TRERF1: variants seen among roughly 807,000 people sequenced by gnomAD.
TRERF1 encodes the protein transcriptional regulating factor 1.
Under a neutral mutation model 122.9 loss-of-function variants are expected in TRERF1, and 27 were observed. The observed-to-expected ratio is 0.22, with a 90% confidence interval of 0.16 to 0.30. The LOEUF (loss-of-function observed/expected upper bound fraction) is 0.30, where lower values mean the gene tolerates loss of function less well. TRERF1 is among the 10% of genes least tolerant of loss of function. The pLI is 1.00. For synonymous variants in TRERF1, 636 were observed against 641.7 expected (o/e 0.99, Z 0.13); for missense variants, 1,248 against 1,560.3 (o/e 0.80, Z 3.37).
At chr6:42,449,201 C>T (rs1373284224) in intron 2 of TRERF1, among the ~76,000 whole-genome samples, 1 of 152,208 alleles carries the variant, frequency 6.6e-6, no homozygotes, top group Non-Finnish European at 1.5e-5. Context: ...GTGAAAAGAC[C>T]CATGTTTACT....
chr6:42,276,720 C>G lies in TRERF1; in HGVS notation c.-258-6872G>C, dbSNP rs1781210051. On this transcript the variant is annotated intron_variant, in intron 4 of 17. Transcript: ENST00000372922. The surrounding 1 kb of genome is among the most constrained non-coding windows in gnomAD (Gnocchi z 4.3). ...CAGTGGTTAGCATCTAAATCTTCCT[C>G]CCTGCAGTGAGTGGTTTGCTCTTAC... Among the ~76,000 whole-genome samples the G allele has an allele frequency of 6.6e-6, 1 of 152,238 alleles. No individual in the cohort carries two copies.
chr6:42,254,091 A>G (rs1415882581), intron 13 of TRERF1, among the ~76,000 whole-genome samples: 1 of 152,196 alleles, frequency 6.6e-6, no homozygotes, highest in Non-Finnish European at 1.5e-5. Flanking sequence ...TTCACTTTTC[A>G]CAATTCTCAG....
intron 3 of TRERF1, among the ~76,000 whole-genome samples, chr6:42,332,265 T>C (rs1210812503): frequency 6.6e-6 from 1 of 152,244 alleles, no homozygotes; most frequent in Non-Finnish European, 1.5e-5. Flanking sequence ...AAACCAGCCA[T>C]GACAGCCTTG....
chr6:42,303,266 T>C (rs955925411), intron 3 of TRERF1, among the ~76,000 whole-genome samples: 5 of 152,190 alleles, frequency 3.3e-5, no homozygotes, highest in African/African-American at 1.2e-4. Flanking sequence ...GAAACCAACA[T>C]TAACAAATTA....
rs1259037846 is a variant in TRERF1 at position 42,269,658 on chromosome 6, A to C, written c.-68T>G. The C allele has an allele frequency of 6.5e-7, 1 of 1,544,488 alleles. No homozygotes were observed. The highest frequency in any genetic ancestry group is 8.7e-7 in the Non-Finnish European group (1 of 1,145,840). ...AAAAGGTAAATAAAACAAACCCAAA[A>C]GGACTGAAACCCTGAGAAGCTGAGA... is the stretch of plus-strand genomic sequence containing the variant. On this transcript the variant is annotated 5_prime_UTR_variant, in exon 5 of 18. Coordinates refer to ENST00000372922, the Ensembl canonical transcript of TRERF1. The surrounding 1 kb of genome is among the most constrained non-coding windows in gnomAD (Gnocchi z 4.9).
At chr6:42,285,017 T>G (rs1475003626) in intron 4 of TRERF1, among the ~76,000 whole-genome samples, 3 of 152,180 alleles carry the variant, frequency 2.0e-5, no homozygotes, top group Non-Finnish European at 4.4e-5. Context: ...AAGCTGACAT[T>G]TAGACTTCAC....
intron 4 of TRERF1, among the ~76,000 whole-genome samples, chr6:42,288,599 G>A (rs2395830): frequency 5.6e-4 from 59 of 105,326 alleles, no homozygotes; most frequent in African/African-American, 1.6e-3. Flanking sequence ...AAAAAAAAGA[G>A]AGAGAGACGG....
chr6:42,232,949 A>T lies in TRERF1; in HGVS notation c.3067-57T>A, dbSNP rs1770904342. 2 of 1,507,158 alleles carry T rather than the reference A, an allele frequency of 1.3e-6. No homozygotes were observed. The highest frequency in any genetic ancestry group is 1.8e-6 in the Non-Finnish European group (2 of 1,121,300). The allele number at this position is 1,507,158 out of a possible 1,614,324, so 93.4% of individuals were successfully genotyped here. A position where few individuals can be genotyped will look rare whatever the true frequency, so the allele number is the denominator to read the frequency against. Reference sequence around the variant, plus strand: ...CAGTCCTGAAAAGGAAATTAGGGTTATTAGTTACTCAGTGGTAAACATGGA... The same window carrying T: ...CAGTCCTGAAAAGGAAATTAGGGTTTTTAGTTACTCAGTGGTAAACATGGA... On this transcript the variant is annotated intron_variant, in intron 16 of 17. Transcript: ENST00000372922. The surrounding 1 kb of genome is among the most constrained non-coding windows in gnomAD (Gnocchi z 4.5).
Position 42,268,223 on chromosome 6 carries a change from G to C in TRERF1, c.1368C>G (p.Pro456=). Residue 456 remains proline (P), a synonymous_variant, in exon 5 of 18, where the codon CCC becomes CCG. Coordinates refer to ENST00000372922, the Ensembl canonical transcript of TRERF1. This position sits in a 1 kb window ranked among gnomAD's most constrained non-coding sequence, Gnocchi z 4.4. ...CCATGTTGTTGAGGTGGATCCCACT[G>C]GGGGATAGGAGGGGGCGATGGGGGA... is the stretch of plus-strand genomic sequence containing the variant. 3 of 1,492,342 alleles carry C rather than the reference G, an allele frequency of 2.0e-6. No homozygotes were observed. In the Admixed American group the frequency reaches 7.3e-5, roughly 36 times the overall value. The allele number at this position is 1,492,342 out of a possible 1,614,324, so 92.4% of individuals were successfully genotyped here.
At chr6:42,299,138 A>G (rs982483782) in intron 4 of TRERF1, among the ~76,000 whole-genome samples, 2 of 97,606 alleles carry the variant, frequency 2.0e-5, no homozygotes, top group African/African-American at 4.6e-5. Context: ...ATCTATCTAC[A>G]TATATATATA....
chr6:42,396,792 G>A (rs1368235512), intron 2 of TRERF1, among the ~76,000 whole-genome samples: 1 of 152,144 alleles, frequency 6.6e-6, no homozygotes, highest in Non-Finnish European at 1.5e-5. Context: ...TGGGATGGTG[G>A]GAGGAGAATT....
At chr6:42,237,596 A>G (rs1452139146) in intron 15 of TRERF1, among the ~76,000 whole-genome samples, 1 of 152,214 alleles carries the variant, frequency 6.6e-6, no homozygotes, top group South Asian at 2.1e-4. Context: ...GGCTCTCTGC[A>G]TAACTCATCA....
At chr6:42,243,295 C>A (rs1163293104) in exon 15 of TRERF1, 1 of 1,614,186 alleles carries the variant, frequency 6.2e-7, no homozygotes, top group South Asian at 1.1e-5. Flanking sequence ...TGTTTCCGCC[C>A]CAGCCGCATG....
At chr6:42,302,088 C>T (rs1353794121) in intron 3 of TRERF1, among the ~76,000 whole-genome samples, 1 of 152,134 alleles carries the variant, frequency 6.6e-6, no homozygotes, top group Non-Finnish European at 1.5e-5. Flanking sequence ...ACTTCCCAAC[C>T]CTAACTATGG....
intron 16 of TRERF1, among the ~76,000 whole-genome samples, chr6:42,233,355 A>G (rs546609794): frequency 0.012 from 1,683 of 139,590 alleles, 33 homozygotes; most frequent in African/African-American, 0.044. Context: ...GTGCGGTCTC[A>G]GCTCACTGCA....
chr6:42,338,373 G>C (rs1459748556), intron 3 of TRERF1, among the ~76,000 whole-genome samples: 1 of 152,196 alleles, frequency 6.6e-6, no homozygotes, highest in Non-Finnish European at 1.5e-5. Flanking sequence ...TGGGTCACGG[G>C]ACGTGGGTAG....
chr6:42,349,424 G>A (rs186252179), intron 3 of TRERF1, among the ~76,000 whole-genome samples: 2 of 152,000 alleles, frequency 1.3e-5, no homozygotes, highest in Admixed American at 6.6e-5. Context: ...GTCTGGGTTG[G>A]TTTTCAGGTA....
chr6:42,445,129 C>T (rs767515698), intron 2 of TRERF1, among the ~76,000 whole-genome samples: 11 of 151,960 alleles, frequency 7.2e-5, no homozygotes, highest in African/African-American at 2.7e-4. Flanking sequence ...ACCAGCCAGG[C>T]GTGGTGACAC....
chr6:42,435,967 G>A (rs542020744), intron 2 of TRERF1, among the ~76,000 whole-genome samples: 8 of 151,970 alleles, frequency 5.3e-5, no homozygotes, highest in Admixed American at 3.9e-4. Context: ...GCGACAGTGC[G>A]AGACTCCATC....
Sources: allele counts gnomAD v4.1 joint callset (sites outside exome capture counted in the v4.1 genomes callset), GRCh38; gene constraint gnomAD v4.1.1; non-coding constraint Gnocchi (gnomAD v3.1); transcripts MANE v1.5; gene names NCBI Gene and HGNC (gene_info 2026-07-23, HGNC 2026-07-21).